PRIM2: variants seen among roughly 807,000 people sequenced by gnomAD.
The protein encoded by PRIM2 is DNA primase subunit 2.
In PRIM2, 39 loss-of-function variants were observed where a neutral mutation model predicts 67.3. The observed-to-expected ratio is 0.58, with a 90% CI of 0.45 to 0.76. The LOEUF (loss-of-function observed/expected upper bound fraction) is 0.76, where lower values mean the gene tolerates loss of function less well. Ranked by LOEUF, PRIM2 falls within the 30% of genes least tolerant of loss-of-function variation. The pLI, the probability that PRIM2 is intolerant of heterozygous loss-of-function variation, is 0.00. For missense variants in PRIM2, 398 were observed against 598.7 expected (o/e 0.66, Z 3.50); for synonymous variants, 143 against 198.7 (o/e 0.72, Z 2.36).
chr6:57,529,114 T>A lies in PRIM2; in HGVS notation c.762-3297T>A, dbSNP rs1232489413. ...TTACGAGGTCAGGAGATCAACACCATCCTAGCTAACACGGTGAAACCCCGT... is the reference window on the plus strand; with the variant it reads ...TTACGAGGTCAGGAGATCAACACCAACCTAGCTAACACGGTGAAACCCCGT... On this transcript the variant is annotated intron_variant, in intron 8 of 13. Transcript: ENST00000615550. Among the ~76,000 whole-genome samples, 4 of 152,130 alleles carry A rather than the reference T, an allele frequency of 2.6e-5. No homozygotes were observed. In the East Asian group the frequency reaches 7.7e-4, roughly 29 times the overall value.
At chr6:57,627,279 C>CAAAAAAAAAAAAAAAAA (rs1158722297) in intron 12 of PRIM2, among the ~76,000 whole-genome samples, 4 of 24,536 alleles carry the variant, frequency 1.6e-4, no homozygotes, top group Admixed American at 7.7e-4. Context: ...GACTCTGTCT[C>CAAAAAAAAAAAAAAAAA]AAAAAAAAAA....
chr6:57,340,206 A>C (rs1359825685), intron 5 of PRIM2, among the ~76,000 whole-genome samples: 1 of 152,198 alleles, frequency 6.6e-6, no homozygotes, highest in Non-Finnish European at 1.5e-5. Flanking sequence ...TCAGGAAACA[A>C]CAGGTGCTGG....
At chr6:57,475,251 A>G (rs1258907939) in intron 7 of PRIM2, among the ~76,000 whole-genome samples, 5 of 152,208 alleles carry the variant, frequency 3.3e-5, no homozygotes, top group African/African-American at 1.2e-4. Flanking sequence ...CATTTAAAGT[A>G]TATAATTCAA....
intron 8 of PRIM2, among the ~76,000 whole-genome samples, chr6:57,523,186 T>C (rs1159596978): frequency 6.6e-6 from 1 of 152,262 alleles, no homozygotes; most frequent in Non-Finnish European, 1.5e-5. Flanking sequence ...TGATAAACAC[T>C]CAGACATTTC....
At chr6:57,472,064 T>C (rs1188089712) in intron 7 of PRIM2, among the ~76,000 whole-genome samples, 1 of 152,148 alleles carries the variant, frequency 6.6e-6, no homozygotes, top group African/African-American at 2.4e-5. Flanking sequence ...CTTGGAGTTA[T>C]TCAGAAGTCA....
At chr6:57,373,752 T>C in intron 5 of PRIM2, among the ~76,000 whole-genome samples, 1 of 152,146 alleles carries the variant, frequency 6.6e-6, no homozygotes, top group Non-Finnish European at 1.5e-5. Context: ...TGATCAAGTG[T>C]TGTAGGCATG....
chr6:57,601,342 C>T lies in PRIM2; in HGVS notation c.1147+123C>T, dbSNP rs1776460512. The T allele has an allele frequency of 1.1e-5, 11 of 1,041,810 alleles. No homozygotes were observed. The Admixed American group carries it at 1.3e-4, about 13-fold the overall frequency. 64.5% of individuals were successfully genotyped at this position (1,041,810 alleles called of 1,614,324 possible). A position where few individuals can be genotyped will look rare whatever the true frequency, so the allele number is the denominator to read the frequency against. On this transcript the variant is annotated intron_variant, in intron 11 of 13. Transcript: ENST00000615550. Reference sequence around the variant, plus strand: ...GACCTAGTTTGTATCTTATCTCAGTCGTCACTGTCAAGCTAGAGCTCCATT... The same window carrying T: ...GACCTAGTTTGTATCTTATCTCAGTTGTCACTGTCAAGCTAGAGCTCCATT...
At chr6:57,635,565 C>T (rs1777104335) in intron 13 of PRIM2, among the ~76,000 whole-genome samples, 1 of 152,180 alleles carries the variant, frequency 6.6e-6, no homozygotes, top group Non-Finnish European at 1.5e-5. Flanking sequence ...CCTCTTTGGA[C>T]ACTGAGTAAC....
chr6:57,557,427 C>T (rs1246006802), intron 10 of PRIM2, among the ~76,000 whole-genome samples: 2 of 152,156 alleles, frequency 1.3e-5, no homozygotes, highest in African/African-American at 4.8e-5. Flanking sequence ...CCATGGAATA[C>T]TCTTCAGCCA....
At chr6:57,344,633 GTAT>G (rs1768609286) in intron 5 of PRIM2, among the ~76,000 whole-genome samples, 2 of 152,100 alleles carry the variant, frequency 1.3e-5, no homozygotes, top group African/African-American at 4.8e-5. Flanking sequence ...AGCCAACCTG[GTAT>G]TATTTTATGT....
chr6:57,245,034 A>G, the PRIM2 span, among the ~76,000 whole-genome samples: 1 of 152,102 alleles, frequency 6.6e-6, no homozygotes, highest in Non-Finnish European at 1.5e-5. Context: ...CCCGGCAGGG[A>G]AGAACTGCCC....
intron 13 of PRIM2, among the ~76,000 whole-genome samples, chr6:57,643,033 A>AT (rs1240806117): frequency 2.6e-5 from 4 of 151,708 alleles, no homozygotes; most frequent in East Asian, 1.9e-4. Flanking sequence ...TCATAGAACA[A>AT]TTTTTTTTAA....
the PRIM2 span, among the ~76,000 whole-genome samples, chr6:57,303,493 C>T: frequency 6.6e-6 from 1 of 152,190 alleles, no homozygotes; most frequent in South Asian, 2.1e-4. Flanking sequence ...ATACTACTTG[C>T]ATACTGTTGT....
chr6:57,443,217 G>A (rs1234703296), intron 7 of PRIM2, among the ~76,000 whole-genome samples: 1 of 152,174 alleles, frequency 6.6e-6, no homozygotes, highest in East Asian at 1.9e-4. Flanking sequence ...ACATGGGAGT[G>A]CAGATACCTC....
At chr6:57,597,516 T>C (rs1216849008) in intron 10 of PRIM2, among the ~76,000 whole-genome samples, 37 of 152,190 alleles carry the variant, frequency 2.4e-4, no homozygotes, top group Middle Eastern at 3.4e-3. Context: ...CTAATATTTA[T>C]TGAGAACAAA....
At chr6:57,364,272 C>T (rs5009317) in intron 5 of PRIM2, among the ~76,000 whole-genome samples, 2 of 152,088 alleles carry the variant, frequency 1.3e-5, no homozygotes, top group Non-Finnish European at 2.9e-5. Context: ...TATTTCCTTG[C>T]GTGGTTGGTT....
intron 7 of PRIM2, 117 bp downstream of exon 7, chr6:57,382,285 T>G: frequency 8.6e-7 from 1 of 1,161,826 alleles, no homozygotes; most frequent in Non-Finnish European, 1.2e-6. Flanking sequence ...CATAATGATA[T>G]TCAGATTACA....
At chr6:57,244,178 C>T in the PRIM2 span, among the ~76,000 whole-genome samples, 1 of 152,194 alleles carries the variant, frequency 6.6e-6, no homozygotes, top group East Asian at 1.9e-4. Flanking sequence ...CCGATCAGAA[C>T]TTAGCTGCAC....
At chr6:57,303,572 G>C in the PRIM2 span, among the ~76,000 whole-genome samples, 2 of 152,066 alleles carry the variant, frequency 1.3e-5, no homozygotes, top group Non-Finnish European at 2.9e-5. Flanking sequence ...GCACTGGCTG[G>C]ATAACCAGGG....
Sources: gnomAD v4.1 joint callset for allele counts (sites outside exome capture counted in the v4.1 genomes callset) on GRCh38, gnomAD v4.1.1 for gene constraint, MANE v1.5 for transcripts, NCBI Gene and HGNC (gene_info 2026-07-23, HGNC 2026-07-21) for gene names.